The following ILF2 variants were observed in gnomAD, a reference collection of about 807,000 sequenced individuals.
ILF2 encodes interleukin enhancer binding factor 2, also known as interleukin enhancer-binding factor 2.
ILF2 carries 9 observed loss-of-function variants against 55.3 expected under a neutral mutation model. The ratio of observed to expected loss-of-function variants is 0.16; its 90% CI spans 0.10 to 0.28. The LOEUF (loss-of-function observed/expected upper bound fraction) is 0.28. Ranked by LOEUF, ILF2 falls within the 10% of genes least tolerant of loss-of-function variation. The pLI, the probability that ILF2 is intolerant of heterozygous loss-of-function variation, is 1.00. For missense variants in ILF2, 266 were observed against 474.9 expected, an observed-to-expected ratio of 0.56 and a Z score of 4.09; for synonymous variants, 151 against 161.8, an observed-to-expected ratio of 0.93 and a Z score of 0.50.
chr1:153,665,178 A>AT (rs1419666908), intron 8 of ILF2, 42 bp downstream of exon 8: 9 of 1,111,350 alleles, frequency 8.1e-6, no homozygotes, highest in African/African-American at 7.7e-5. Context: ...CATGTTTTGA[A>AT]TATCCCCTAA....
At chr1:153,662,840 CTTA>C in intron 12 of ILF2, 45 bp from the exon 13 acceptor site, 5 of 1,511,446 alleles carry the variant, frequency 3.3e-6, no homozygotes, top group Non-Finnish European at 4.6e-6. Flanking sequence ...ATCAAAGGAC[CTTA>C]TTTGAGTAAT....
At chr1:153,663,412 G>A (rs546480653) in intron 10 of ILF2, 136 bp from the exon 11 acceptor site, 15 of 774,128 alleles carry the variant, frequency 1.9e-5, no homozygotes, top group East Asian at 1.0e-4. Flanking sequence ...CACTGTAACC[G>A]CGAACTCCTG....
chr1:153,662,769 A>G lies in ILF2; in HGVS notation c.948T>C (p.Thr316=). 6.2e-7 allele frequency: 1 copy of G among 1,614,232 alleles called. No homozygotes were observed. Among genetic ancestry groups the G allele is most frequent in the East Asian group, 2.2e-5 (1 of 44,882 alleles). The change falls in exon 13 of 14, where the codon ACT becomes ACC. Residue 316 remains threonine (T), a synonymous_variant. Transcript: ENST00000361891. ...QQDMVCYTAQ[T]LVRILSHGGF... ...CACCATGTGAGAGGATTCGGACGAG[A>G]GTCTGAGCTGTATAGCAGACCATGT... is the stretch of plus-strand genomic sequence containing the variant.
Position 153,663,052 on chromosome 1 carries a change from A to G in ILF2, c.888T>C (p.Phe296=), listed in dbSNP as rs773548488. 22 of 1,614,044 alleles carry G rather than the reference A, an allele frequency of 1.4e-5. No homozygotes were observed. The highest frequency in any genetic ancestry group is 1.6e-4 in the Middle Eastern group (1 of 6,062). The change falls in exon 12 of 14, where the codon TTT becomes TTC. Residue 296 remains phenylalanine, a synonymous_variant. Coordinates refer to ENST00000361891, the MANE Select transcript of ILF2 (RefSeq NM_004515.4). ...GITDPCESGN[F]RVHTVMTLEQ... ...CTAGGGTCATGACTGTGTGTACTCT[A>G]AAGTTGCCACTCTCACAGGGGTCAG...
At position 153,664,326 on chromosome 1, in the gene ILF2, A is replaced by G. The variant is rs1175131051; in HGVS notation, c.656+70T>C. On this transcript the variant is annotated intron_variant, in intron 9 of 13. Transcript: ENST00000361891. Reference sequence around the variant, plus strand: ...GCAAAATAGTTCTGTCAGAGGAAGTATGGGGGTATCCTGCTATTCACTGCA... The same window carrying G: ...GCAAAATAGTTCTGTCAGAGGAAGTGTGGGGGTATCCTGCTATTCACTGCA... The G allele has an allele frequency of 2.3e-6, 3 of 1,279,688 alleles. No homozygotes were observed. The East Asian group carries it at 7.0e-5, about 30-fold the overall frequency. 79.3% of individuals were successfully genotyped at this position (1,279,688 alleles called of 1,614,324 possible). A position where few individuals can be genotyped will look rare whatever the true frequency, so the allele number is the denominator to read the frequency against.
chr1:153,668,910 T>G (rs1669377590), intron 3 of ILF2, among the ~76,000 whole-genome samples: 1 of 148,926 alleles, frequency 6.7e-6, no homozygotes, highest in African/African-American at 2.5e-5. Context: ...AAAAAAAAAT[T>G]TATTCAAAGG....
At chr1:153,670,893 C>T (rs1669452842) in intron 1 of ILF2, 25 bp downstream of exon 1, 2 of 1,614,026 alleles carry the variant, frequency 1.2e-6, no homozygotes, top group Non-Finnish European at 1.7e-6. Flanking sequence ...TACCTGAAAC[C>T]TTTCGACCGC....
At chr1:153,668,175 T>C in intron 4 of ILF2, 98 bp from the exon 5 acceptor site, 1 of 929,086 alleles carries the variant, frequency 1.1e-6, no homozygotes, top group Non-Finnish European at 1.7e-6. Flanking sequence ...ACAAGCTGAC[T>C]CAATACTGAC....
intron 3 of ILF2, 167 bp from the exon 4 acceptor site, chr1:153,668,724 C>A (rs1045528485): frequency 1.7e-5 from 13 of 783,602 alleles, no homozygotes; most frequent in Non-Finnish European, 2.4e-5. Context: ...CACCTGTAAT[C>A]CCAGCTACTT....
chr1:153,667,461 G>A (rs193222538), intron 6 of ILF2, 94 bp downstream of exon 6: 22 of 883,204 alleles, frequency 2.5e-5, no homozygotes, highest in Admixed American at 1.6e-4. Flanking sequence ...CCTGGCCAAC[G>A]GAGGGAGAAT....
intron 8 of ILF2, among the ~76,000 whole-genome samples, chr1:153,664,847 C>T (rs1669268373): frequency 6.6e-6 from 1 of 152,160 alleles, no homozygotes; most frequent in African/African-American, 2.4e-5. Flanking sequence ...CGTGAGCCAC[C>T]GCACCCGACC....
intron 2 of ILF2, 97 bp downstream of exon 2, chr1:153,670,074 G>T: frequency 7.4e-7 from 1 of 1,359,082 alleles, no homozygotes; most frequent in Non-Finnish European, 1.0e-6. Context: ...GTTGGCTCTC[G>T]CAAAACCAAG....
Position 153,667,655 on chromosome 1 carries a change from T to G in ILF2, c.294A>C (p.Gln98His). ...LIVAPGTFEV[Q>H]IEEVRQVGSY... ...ATCCCACCTGTCGAACTTCTTCAAT[T>G]TGCTGTTGGAAAAAGGATTTCGGGG... The change falls in exon 6 of 14, where the codon CAA becomes CAC. Residue 98 changes from glutamine (Q) to histidine (H), a missense_variant and splice_region_variant. Physicochemically the swap from Gln to His is conservative, Grantham distance 24. Coordinates refer to ENST00000361891, the MANE Select transcript of ILF2 (RefSeq NM_004515.4). The G allele has an allele frequency of 1.3e-6, 2 of 1,591,824 alleles. No homozygotes were observed. The highest frequency in any genetic ancestry group is 1.7e-6 in the Non-Finnish European group (2 of 1,168,286).
In ILF2 at chr1:153,665,193, T is replaced by C. The variant is rs1357134650; in HGVS notation, c.577+27A>G. 3.0e-6 allele frequency: 4 copies of C among 1,333,786 alleles called. No homozygotes were observed. The East Asian group carries it at 6.9e-5, about 23-fold the overall frequency. 82.6% of individuals were successfully genotyped at this position (1,333,786 alleles called of 1,614,324 possible). On this transcript the variant is annotated intron_variant, in intron 8 of 13. Transcript: ENST00000361891. ...CATGTTTTGAATATCCCCTAAATTTTCCAGCAATGGAAAAAAAAGAACTAA... is the reference window on the plus strand; with the variant it reads ...CATGTTTTGAATATCCCCTAAATTTCCCAGCAATGGAAAAAAAAGAACTAA...
intron 3 of ILF2, among the ~76,000 whole-genome samples, chr1:153,669,038 C>G (rs1418660267): frequency 6.6e-6 from 1 of 151,806 alleles, no homozygotes; most frequent in African/African-American, 2.4e-5. Context: ...AACCCCGTCT[C>G]TACTAAACAG....
chr1:153,663,293 C>A lies in ILF2; in HGVS notation c.745-17G>T, dbSNP rs1669221012. ...ATAATGGCCCTGAAAAATAATAAAT[C>A]CAGTAGGTGTGCCATCAAAATGGCA... is the stretch of plus-strand genomic sequence containing the variant. On this transcript the variant is annotated splice_polypyrimidine_tract_variant and intron_variant, in intron 10 of 13. Coordinates refer to ENST00000361891, the MANE Select transcript of ILF2 (RefSeq NM_004515.4). 1.2e-6 allele frequency: 2 copies of A among 1,612,560 alleles called. No homozygotes were observed. Among genetic ancestry groups the A allele is most frequent in the African/African-American group, 2.7e-5 (2 of 74,858 alleles).
chr1:153,663,848 A>G (rs940094028), intron 10 of ILF2, among the ~76,000 whole-genome samples, 195 bp downstream of exon 10: 1 of 151,276 alleles, frequency 6.6e-6, no homozygotes, highest in Non-Finnish European at 1.5e-5. Flanking sequence ...TTTTTTTTAA[A>G]CAAATGTCTC....
At chr1:153,665,451 G>A in intron 7 of ILF2, 115 bp from the exon 8 acceptor site, 2 of 793,134 alleles carry the variant, frequency 2.5e-6, no homozygotes, top group East Asian at 2.5e-5. Flanking sequence ...AGTCCAGAAT[G>A]AGAATTTAGA....
intron 3 of ILF2, among the ~76,000 whole-genome samples, chr1:153,669,258 G>C (rs1431845908): frequency 2.0e-5 from 3 of 152,014 alleles, no homozygotes; most frequent in African/African-American, 7.2e-5. Flanking sequence ...GTTCAAACAA[G>C]GATAAAAGCT....
Sources: allele counts gnomAD v4.1 joint callset (sites outside exome capture counted in the v4.1 genomes callset), GRCh38; gene constraint gnomAD v4.1.1; transcripts MANE v1.5; gene names NCBI Gene and HGNC (gene_info 2026-07-23, HGNC 2026-07-21).